KATNAL1: variants seen among roughly 807,000 people sequenced by gnomAD.
KATNAL1 encodes katanin catalytic subunit A1 like 1, also known as katanin p60 ATPase-containing subunit A-like 1.
KATNAL1 carries 32 observed loss-of-function variants against 55.2 expected under a neutral mutation model. That is an observed-to-expected ratio of 0.58 (90% CI 0.44 to 0.78). The LOEUF (loss-of-function observed/expected upper bound fraction) is 0.78, where lower values mean the gene tolerates loss of function less well. Ranked by LOEUF, KATNAL1 falls within the 30% of genes least tolerant of loss-of-function variation. KATNAL1 has a pLI of 0.00. For missense variants in KATNAL1, 466 were observed against 600.9 expected (o/e 0.78, Z 2.35); for synonymous variants, 193 against 193.6 (o/e 1.00, Z 0.02).
At chr13:30,261,022 C>T (rs1383666959) in intron 3 of KATNAL1, among the ~76,000 whole-genome samples, 40 of 152,002 alleles carry the variant, frequency 2.6e-4, no homozygotes, top group African/African-American at 8.7e-4. Flanking sequence ...GCGGATCTCT[C>T]GGCAGAAACT....
chr13:30,220,226 G>A (rs1874705652), intron 9 of KATNAL1, among the ~76,000 whole-genome samples: 3 of 152,092 alleles, frequency 2.0e-5, no homozygotes, highest in African/African-American at 7.2e-5. Flanking sequence ...TTTGGGAGGT[G>A]GATGCAGGTG....
chr13:30,285,472 C>G (rs1320624213), intron 1 of KATNAL1, among the ~76,000 whole-genome samples: 1 of 152,196 alleles, frequency 6.6e-6, no homozygotes, highest in Non-Finnish European at 1.5e-5. Context: ...CATTCTCTCT[C>G]CTGCTGCCCT....
intron 1 of KATNAL1, among the ~76,000 whole-genome samples, chr13:30,290,882 A>C (rs2137552206): frequency 6.6e-6 from 1 of 152,368 alleles, no homozygotes; most frequent in Admixed American, 6.5e-5. Context: ...ATAGATACAG[A>C]AAATGTATTT....
chr13:30,295,206 A>C (rs1882402908), intron 1 of KATNAL1, among the ~76,000 whole-genome samples: 1 of 152,210 alleles, frequency 6.6e-6, no homozygotes, highest in African/African-American at 2.4e-5. Flanking sequence ...TCCTTTGATG[A>C]AACTGGGCAA....
intron 4 of KATNAL1, among the ~76,000 whole-genome samples, chr13:30,252,108 C>T (rs1045457963): frequency 2.0e-5 from 3 of 152,208 alleles, no homozygotes; most frequent in African/African-American, 7.2e-5. Flanking sequence ...AGGTATTACA[C>T]ATAGACAAGG....
intron 1 of KATNAL1, among the ~76,000 whole-genome samples, chr13:30,284,686 T>C (rs1011679326): frequency 1.3e-5 from 2 of 152,202 alleles, no homozygotes; most frequent in Admixed American, 1.3e-4. Context: ...TAAGACCCCA[T>C]CATTCTCTAT....
intron 3 of KATNAL1, among the ~76,000 whole-genome samples, chr13:30,268,768 C>A (rs993728102): frequency 6.6e-6 from 1 of 152,150 alleles, no homozygotes; most frequent in Non-Finnish European, 1.5e-5. Context: ...GAAACTGAAT[C>A]TAGAAATAGT....
At chr13:30,238,256 C>T (rs115922282) in intron 6 of KATNAL1, among the ~76,000 whole-genome samples, 1 of 152,132 alleles carries the variant, frequency 6.6e-6, no homozygotes, top group Non-Finnish European at 1.5e-5. Flanking sequence ...GTTCTAAGGC[C>T]TCATTAATTC....
chr13:30,294,764 A>C lies in KATNAL1; in HGVS notation c.-14-10973T>G, dbSNP rs540070864. ...GTGAATGCCTGGGTTCAAAGCCTTA[A>C]AGGACAGGCTGGCTCTCGTGTCAGG... On this transcript the variant is annotated intron_variant, in intron 1 of 10. Coordinates refer to ENST00000380615, the MANE Select transcript of KATNAL1 (RefSeq NM_032116.5). Among the ~76,000 whole-genome samples, 5 of 152,330 alleles carry C rather than the reference A, an allele frequency of 3.3e-5. No individual in the cohort carries two copies. In the South Asian group the frequency reaches 1.0e-3, roughly 32 times the overall value.
chr13:30,286,421 C>T (rs1881792432), intron 1 of KATNAL1, among the ~76,000 whole-genome samples: 1 of 152,274 alleles, frequency 6.6e-6, no homozygotes, highest in South Asian at 2.1e-4. Context: ...CAGGCCATGG[C>T]TTCAGAGGGT....
chr13:30,221,780 A>G (rs2137370154), intron 9 of KATNAL1, among the ~76,000 whole-genome samples: 1 of 152,348 alleles, frequency 6.6e-6, no homozygotes, highest in African/African-American at 2.4e-5. Flanking sequence ...GGACTGGCAC[A>G]GTGGCTCATG....
chr13:30,273,972 A>G (rs1190935651), intron 3 of KATNAL1, among the ~76,000 whole-genome samples: 1 of 152,110 alleles, frequency 6.6e-6, no homozygotes, highest in African/African-American at 2.4e-5. Flanking sequence ...CATCTACAAA[A>G]TCGTAAGCCT....
chr13:30,294,820 G>A (rs776055037), intron 1 of KATNAL1, among the ~76,000 whole-genome samples: 52 of 152,326 alleles, frequency 3.4e-4, no homozygotes, highest in South Asian at 6.2e-4. Flanking sequence ...TGAAGTTGAA[G>A]CCAATGCTCA....
intron 1 of KATNAL1, among the ~76,000 whole-genome samples, chr13:30,295,607 T>C (rs1256047950): frequency 1.4e-5 from 2 of 146,348 alleles, no homozygotes; most frequent in Non-Finnish European, 3.0e-5. Flanking sequence ...CTACAAAAAA[T>C]TAAAAAAAAA....
At chr13:30,292,519 C>A (rs1882200450) in intron 1 of KATNAL1, among the ~76,000 whole-genome samples, 1 of 152,140 alleles carries the variant, frequency 6.6e-6, no homozygotes. Flanking sequence ...TGCTTCCCTA[C>A]CCCTTGTTCC....
rs534117609 is a variant in KATNAL1 at position 30,235,927 on chromosome 13, A to G, written c.727-4455T>C. On this transcript the variant is annotated intron_variant, in intron 6 of 10. Transcript: ENST00000380615. ...CAAAAATTGTAAACACATATTTTGT[A>G]TATGTATTGTATATGGTATTCTTAC... Among the ~76,000 whole-genome samples, 9 of 152,272 alleles carry G rather than the reference A, an allele frequency of 5.9e-5. No homozygotes were observed. In the South Asian group the frequency reaches 1.5e-3, roughly 25 times the overall value.
intron 6 of KATNAL1, among the ~76,000 whole-genome samples, chr13:30,234,814 C>T (rs1371080235): frequency 6.6e-6 from 1 of 152,168 alleles, no homozygotes; most frequent in African/African-American, 2.4e-5. Context: ...TTTAGCTGGC[C>T]TTTGTCTCCA....
chr13:30,255,572 G>T lies in KATNAL1; in HGVS notation c.367C>A (p.Leu123Met). Reference protein sequence around the residue: ...IRRPNREVRPLRKEMAGVGAR... With the variant: ...IRRPNREVRPMRKEMAGVGAR... The stretch of plus-strand genomic sequence containing the variant: ...CCTACTCCTGCCATTTCTTTCCTCA[G>T]AGGTCTTACTTCTCGATTGGGACGC... Residue 123 changes from leucine (L) to methionine (M), a missense_variant, in exon 4 of 11, where the codon CTG (leucine) becomes ATG (methionine). This residue lies in a region of KATNAL1 where 248 missense variants were observed against 275.5 expected (regional missense o/e 0.90). Coordinates refer to ENST00000380615, the MANE Select transcript of KATNAL1 (RefSeq NM_032116.5). The T allele has an allele frequency of 6.4e-7, 1 of 1,567,984 alleles. No individual in the cohort carries two copies. Among genetic ancestry groups the T allele is most frequent in the Non-Finnish European group, 8.6e-7 (1 of 1,158,764 alleles).
intron 10 of KATNAL1, among the ~76,000 whole-genome samples, chr13:30,210,028 C>T (rs899479184): frequency 9.2e-5 from 14 of 152,114 alleles, no homozygotes; most frequent in East Asian, 1.9e-4. Context: ...GTGATCCACC[C>T]GCCTCGGCCT....
Sources: gnomAD v4.1 joint callset for allele counts (sites outside exome capture counted in the v4.1 genomes callset) on GRCh38, gnomAD v4.1.1 for gene constraint, gnomAD v4.1.1 regional missense constraint, MANE v1.5 for transcripts, NCBI Gene and HGNC (gene_info 2026-07-23, HGNC 2026-07-21) for gene names.